UGT2B11: variants seen among roughly 807,000 people sequenced by gnomAD.
The protein encoded by UGT2B11 is UDP-glucuronosyltransferase 2B11.
A neutral mutation model predicts 51.7 loss-of-function variants in UGT2B11; 49 were observed. The ratio of observed to expected loss-of-function variants is 0.95; its 90% CI spans 0.75 to 1.20. UGT2B11 has a LOEUF of 1.20. Among genes scored for constraint, UGT2B11 ranks in the 50% most tolerant of loss-of-function variants. UGT2B11 has a pLI of 0.00. For synonymous variants in UGT2B11, 273 were observed against 209.0 expected (o/e 1.31, Z -2.64); for missense variants, 810 against 622.1 (o/e 1.30, Z -3.21).
upstream of UGT2B11, among the ~76,000 whole-genome samples, chr4:69,219,178 GT>G (rs1169054435): frequency 6.6e-6 from 1 of 151,818 alleles, no homozygotes; most frequent in Non-Finnish European, 1.5e-5. Context: ...TGTTCCCCTG[GT>G]GGCAGTGGCA....
intron 5 of UGT2B11, among the ~76,000 whole-genome samples, chr4:69,203,486 T>C (rs1297825516): frequency 6.6e-6 from 1 of 151,750 alleles, no homozygotes; most frequent in Non-Finnish European, 1.5e-5. Flanking sequence ...GAGGCAGCAA[T>C]TCCACTTATA....
intron 2 of UGT2B11, 127 bp downstream of exon 2, chr4:69,212,446 T>A (rs944430911): frequency 2.7e-6 from 4 of 1,472,760 alleles, no homozygotes; most frequent in African/African-American, 2.9e-5. Flanking sequence ...CTAATTAGTA[T>A]CTGCTTTACA....
At chr4:69,224,298 G>A in the UGT2B11 span, among the ~76,000 whole-genome samples, 1 of 152,024 alleles carries the variant, frequency 6.6e-6, no homozygotes, top group Non-Finnish European at 1.5e-5. Context: ...GAGAGCCTTT[G>A]GAGGGGCCAT....
upstream of UGT2B11, chr4:69,215,172 A>T (rs1366900643): frequency 1.3e-5 from 2 of 153,790 alleles, no homozygotes; most frequent in African/African-American, 4.8e-5. Context: ...ATTAGTATTT[A>T]AAATTAAGTA....
At chr4:69,205,676 T>A in intron 3 of UGT2B11, 109 bp from the exon 4 acceptor site, 1 of 1,237,736 alleles carries the variant, frequency 8.1e-7, no homozygotes, top group Non-Finnish European at 1.1e-6. Flanking sequence ...AGTAAATAAA[T>A]CTACTCAAAG....
intron 3 of UGT2B11, 53 bp downstream of exon 3, chr4:69,208,298 C>T: frequency 1.2e-6 from 2 of 1,603,342 alleles, no homozygotes; most frequent in Non-Finnish European, 1.7e-6. Context: ...AGATCACAAA[C>T]ATTAACAGCC....
chr4:69,203,812 A>G (rs1721749586), intron 5 of UGT2B11, among the ~76,000 whole-genome samples: 1 of 151,730 alleles, frequency 6.6e-6, no homozygotes, highest in Admixed American at 6.6e-5. Context: ...ATAGAGAAAG[A>G]AAACAAATTG....
At chr4:69,211,713 C>A (rs1313551387) in intron 2 of UGT2B11, among the ~76,000 whole-genome samples, 1 of 151,510 alleles carries the variant, frequency 6.6e-6, no homozygotes, top group African/African-American at 2.4e-5. Flanking sequence ...TCATCTGTTA[C>A]CTGAATCCAT....
At chr4:69,205,810 A>G (rs1463627334) in intron 3 of UGT2B11, 3 of 399,184 alleles carry the variant, frequency 7.5e-6, no homozygotes, top group African/African-American at 2.1e-5. Context: ...AAAAGTTCAA[A>G]TATTCAAAAA....
intron 5 of UGT2B11, among the ~76,000 whole-genome samples, chr4:69,202,296 G>A (rs1263914803): frequency 3.3e-5 from 5 of 151,700 alleles, no homozygotes; most frequent in Non-Finnish European, 3.0e-5. Context: ...ATATAATTGA[G>A]AGTAGAATTG....
chr4:69,219,065 C>G (rs7681086), upstream of UGT2B11, among the ~76,000 whole-genome samples: 24,365 of 151,998 alleles, frequency 0.16, 2,419 homozygotes, highest in African/African-American at 0.27. Flanking sequence ...CCTCAGCCTT[C>G]TTTCTCTTCA....
At chr4:69,213,057 A>G (rs1044942915) in intron 1 of UGT2B11, among the ~76,000 whole-genome samples, 1 of 151,268 alleles carries the variant, frequency 6.6e-6, no homozygotes, top group African/African-American at 2.4e-5. Flanking sequence ...TATTTAAACA[A>G]CTCTTTGAGC....
intron 2 of UGT2B11, among the ~76,000 whole-genome samples, chr4:69,209,944 A>C (rs1397110437): frequency 6.6e-6 from 1 of 151,660 alleles, no homozygotes; most frequent in African/African-American, 2.4e-5. Flanking sequence ...TTTTTAAAAA[A>C]TAATTTTTCT....
chr4:69,223,300 A>C, the UGT2B11 span, among the ~76,000 whole-genome samples: 1 of 152,070 alleles, frequency 6.6e-6, no homozygotes, highest in Non-Finnish European at 1.5e-5. Context: ...CTGGAATTTT[A>C]AACACAGGGA....
intron 1 of UGT2B11, 61 bp downstream of exon 1, chr4:69,213,941 G>T: frequency 6.7e-7 from 1 of 1,487,466 alleles, no homozygotes; most frequent in Non-Finnish European, 8.9e-7. Context: ...CTTTATAAAA[G>T]CTCTGCTTCA....
chr4:69,209,751 C>T (rs1432977589), intron 2 of UGT2B11, among the ~76,000 whole-genome samples: 1 of 151,454 alleles, frequency 6.6e-6, no homozygotes, highest in Non-Finnish European at 1.5e-5. Context: ...TAATGTAACT[C>T]GTTTTCAGTG....
chr4:69,208,955 T>G (rs1721958902), intron 2 of UGT2B11, among the ~76,000 whole-genome samples: 1 of 151,686 alleles, frequency 6.6e-6, no homozygotes, highest in African/African-American at 2.4e-5. Flanking sequence ...TCCCTAAATA[T>G]GAGCACTGAG....
chr4:69,207,255 G>C (rs755498047), intron 3 of UGT2B11, among the ~76,000 whole-genome samples: 1 of 151,558 alleles, frequency 6.6e-6, no homozygotes, highest in Non-Finnish European at 1.5e-5. Context: ...CTTATTTTAA[G>C]TTACTAATTT....
At chr4:69,208,735 A>T (rs1721951145) in intron 2 of UGT2B11, among the ~76,000 whole-genome samples, 1 of 151,638 alleles carries the variant, frequency 6.6e-6, no homozygotes, top group Non-Finnish European at 1.5e-5. Flanking sequence ...GGAGGAAAGA[A>T]ATGGAGCTAT....
Sources: allele counts gnomAD v4.1 joint callset (sites outside exome capture counted in the v4.1 genomes callset), GRCh38; gene constraint gnomAD v4.1.1; transcripts MANE v1.5; gene names NCBI Gene and HGNC (gene_info 2026-07-23, HGNC 2026-07-21).